Variants in ANKRD12 observed in about 807,000 individuals in gnomAD.
The protein encoded by ANKRD12 is ankyrin repeat domain 12.
ANKRD12 carries 85 observed loss-of-function variants against 183.4 expected under a neutral mutation model. The observed-to-expected ratio is 0.46, with a 90% CI of 0.39 to 0.56. The LOEUF (loss-of-function observed/expected upper bound fraction) is 0.56. Among genes scored for constraint, ANKRD12 ranks in the 20% least tolerant of loss-of-function variants. The probability of loss-of-function intolerance (pLI) is 0.00; values close to 1 mark genes in which losing one functional copy is unlikely to be tolerated. For synonymous variants in ANKRD12, 914 were observed against 800.2 expected, an observed-to-expected ratio of 1.14 and a Z score of -2.40; for missense variants, 2,405 against 2,357.1, an observed-to-expected ratio of 1.02 and a Z score of -0.42.
Position 9,281,004 on chromosome 18 carries a change from T to G in ANKRD12, c.6067T>G (p.Trp2023Gly). The change falls in exon 13 of 13, where the codon TGG becomes GGG. Residue 2023 changes from tryptophan to glycine, a missense_variant. Physicochemically the swap from Trp to Gly is radical, Grantham distance 184. Around this residue, in one of 7 missense-constraint regions of ANKRD12, gnomAD observed 162 missense variants for 272.2 expected, o/e 0.60. Coordinates refer to ENST00000262126, the MANE Select transcript of ANKRD12 (RefSeq NM_015208.5). ...TTTAAATGCTGTCCAGAGGTTAGAA[T>G]GGCAGCTCAAACTCCAGGAACTTGA... Reference protein sequence around the residue: ...AALNAVQRLEWQLKLQELDPA... With the variant: ...AALNAVQRLEGQLKLQELDPA... The G allele has an allele frequency of 6.2e-7, 1 of 1,614,162 alleles. No individual in the cohort carries two copies. The highest frequency in any genetic ancestry group is 8.5e-7 in the Non-Finnish European group (1 of 1,180,018).
chr18:9,204,903 T>A (rs2035392092), intron 4 of ANKRD12, among the ~76,000 whole-genome samples: 1 of 152,254 alleles, frequency 6.6e-6, no homozygotes, highest in Admixed American at 6.5e-5. Context: ...TTGTATACCC[T>A]TCACAAGGTA....
chr18:9,283,160 T>C lies in ANKRD12; in HGVS notation c.*2034T>C, dbSNP rs190955898. Reference sequence around the variant, plus strand: ...CATAAAAAACCAGATAATTGAACTTTGAAGTTATAGAAAATCAGAGAGGGG... The same window carrying C: ...CATAAAAAACCAGATAATTGAACTTCGAAGTTATAGAAAATCAGAGAGGGG... On this transcript the variant is annotated 3_prime_UTR_variant, in exon 13 of 13. Transcript: ENST00000262126. 2 of 152,220 alleles carry C rather than the reference T, an allele frequency of 1.3e-5. No individual in the cohort carries two copies. The highest frequency in any genetic ancestry group is 4.8e-5 in the African/African-American group (2 of 41,466). 9.4% of individuals were successfully genotyped at this position (152,220 alleles called of 1,614,324 possible). A position where few individuals can be genotyped will look rare whatever the true frequency, so the allele number is the denominator to read the frequency against.
chr18:9,230,752 A>G (rs1037881511), intron 8 of ANKRD12, among the ~76,000 whole-genome samples: 68 of 150,900 alleles, frequency 4.5e-4, no homozygotes, highest in Non-Finnish European at 9.9e-4. Context: ...TTTGCCTCCC[A>G]GGCTCAAGAG....
intron 1 of ANKRD12, among the ~76,000 whole-genome samples, chr18:9,152,064 CAAAA>C (rs2078702291): frequency 6.6e-6 from 1 of 151,918 alleles, no homozygotes; most frequent in South Asian, 2.1e-4. Flanking sequence ...ACTTAAAAAA[CAAAA>C]AGAAAAAAAT....
At position 9,256,369 on chromosome 18, in the gene ANKRD12, A is replaced by G. The variant is rs746562782; in HGVS notation, c.3102A>G (p.Lys1034=). The change falls in exon 9 of 13, where the codon AAA becomes AAG. Residue 1034 remains lysine, a synonymous_variant. Transcript: ENST00000262126. ...GATACAAAGAACGAGACAAACATAA[A>G]GATAAAATTCAAATAAATAGCTTAC... is the stretch of plus-strand genomic sequence containing the variant. ...IDRYKERDKH[K]DKIQINSLLK... is the part of the protein sequence containing the mutation. The G allele has an allele frequency of 6.2e-7, 1 of 1,600,374 alleles. No homozygotes were observed. Among genetic ancestry groups the G allele is most frequent in the Non-Finnish European group, 8.5e-7 (1 of 1,174,594 alleles).
At chr18:9,240,320 C>T (rs1230597637) in intron 8 of ANKRD12, among the ~76,000 whole-genome samples, 1 of 152,158 alleles carries the variant, frequency 6.6e-6, no homozygotes, top group South Asian at 2.1e-4. Flanking sequence ...CTAACTTCTG[C>T]CTTTTTCCAT....
At chr18:9,162,224 T>TG (rs1568236966) in intron 1 of ANKRD12, among the ~76,000 whole-genome samples, 1 of 145,300 alleles carries the variant, frequency 6.9e-6, no homozygotes, top group Admixed American at 7.0e-5. Flanking sequence ...CCCAGTGTGT[T>TG]TGTCCCCCCC....
At chr18:9,265,732 A>C (rs2039249180) in intron 10 of ANKRD12, among the ~76,000 whole-genome samples, 2 of 152,234 alleles carry the variant, frequency 1.3e-5, no homozygotes, top group African/African-American at 4.8e-5. Context: ...CTCCAAAGGA[A>C]CGCAGCTCCT....
chr18:9,246,345 A>G (rs1043248037), intron 8 of ANKRD12, among the ~76,000 whole-genome samples: 4 of 152,208 alleles, frequency 2.6e-5, no homozygotes, highest in African/African-American at 9.6e-5. Flanking sequence ...AAAAGTATAA[A>G]TTCCACCAAA....
intron 2 of ANKRD12, among the ~76,000 whole-genome samples, chr18:9,186,596 C>T (rs2034080642): frequency 6.6e-6 from 1 of 151,998 alleles, no homozygotes; most frequent in South Asian, 2.1e-4. Flanking sequence ...CTTATTTTAC[C>T]TTGAGAGGAA....
intron 1 of ANKRD12, among the ~76,000 whole-genome samples, chr18:9,173,144 A>G (rs890724150): frequency 1.4e-4 from 21 of 147,202 alleles, no homozygotes; most frequent in African/African-American, 5.1e-4. Context: ...ATCTTGGCTC[A>G]CTGCAACCTC....
At chr18:9,161,716 C>A (rs994368908) in intron 1 of ANKRD12, among the ~76,000 whole-genome samples, 1 of 150,886 alleles carries the variant, frequency 6.6e-6, no homozygotes, top group Non-Finnish European at 1.5e-5. Flanking sequence ...TGTATAGTTA[C>A]GGGGTACTAT....
intron 8 of ANKRD12, among the ~76,000 whole-genome samples, chr18:9,228,878 C>T (rs544756741): frequency 1.3e-5 from 2 of 150,018 alleles, no homozygotes; most frequent in East Asian, 3.9e-4. Flanking sequence ...AAAATCTTTG[C>T]CTAGACCAAT....
At chr18:9,270,647 A>T (rs1327147530) in intron 10 of ANKRD12, among the ~76,000 whole-genome samples, 1 of 152,204 alleles carries the variant, frequency 6.6e-6, no homozygotes, top group Non-Finnish European at 1.5e-5. Flanking sequence ...GGATAGCATT[A>T]GGAGAGATAC....
chr18:9,158,691 T>C (rs1161343285), intron 1 of ANKRD12, among the ~76,000 whole-genome samples: 1 of 152,204 alleles, frequency 6.6e-6, no homozygotes, highest in Non-Finnish European at 1.5e-5. Flanking sequence ...AGTTACTCTT[T>C]TTTTCTCCTC....
intron 8 of ANKRD12, among the ~76,000 whole-genome samples, chr18:9,253,742 GC>G (rs1462957398): frequency 6.6e-6 from 1 of 152,206 alleles, no homozygotes; most frequent in Non-Finnish European, 1.5e-5. Flanking sequence ...TGGCATAAAT[GC>G]GGAGAAAGGG....
intron 8 of ANKRD12, among the ~76,000 whole-genome samples, chr18:9,245,197 C>A (rs2037887407): frequency 6.6e-6 from 1 of 151,964 alleles, no homozygotes; most frequent in Non-Finnish European, 1.5e-5. Flanking sequence ...CACCTGGAAT[C>A]CCAGCCCTTT....
At chr18:9,187,546 T>G (rs1350399604) in intron 2 of ANKRD12, among the ~76,000 whole-genome samples, 1 of 152,236 alleles carries the variant, frequency 6.6e-6, no homozygotes, top group Non-Finnish European at 1.5e-5. Flanking sequence ...TTAAATTCAT[T>G]TAAGTAGAGC....
intron 8 of ANKRD12, among the ~76,000 whole-genome samples, chr18:9,251,099 G>T (rs1333613700): frequency 6.6e-6 from 1 of 152,084 alleles, no homozygotes. Context: ...GTACAATTCA[G>T]ATGTTTTAAA....
Sources: allele counts gnomAD v4.1 joint callset (sites outside exome capture counted in the v4.1 genomes callset), GRCh38; gene constraint gnomAD v4.1.1; regional missense constraint gnomAD v4.1.1; transcripts MANE v1.5; gene names NCBI Gene and HGNC (gene_info 2026-07-23, HGNC 2026-07-21).